Variants in NETO1 observed in about 807,000 individuals in gnomAD.
The protein encoded by NETO1 is neuropilin and tolloid-like protein 1.
Under a neutral mutation model 61.3 loss-of-function variants are expected in NETO1, and 26 were observed. The ratio of observed to expected loss-of-function variants is 0.42; its 90% CI spans 0.31 to 0.59. NETO1 has a LOEUF of 0.59. Ranked by LOEUF, NETO1 falls within the 20% of genes least tolerant of loss-of-function variation. NETO1 has a pLI of 0.12. For synonymous variants in NETO1, 225 were observed against 225.8 expected, an observed-to-expected ratio of 1.00 and a Z score of 0.03; for missense variants, 531 against 662.8, an observed-to-expected ratio of 0.80 and a Z score of 2.18.
chr18:72,786,780 A>G (rs1323351084), intron 6 of NETO1, among the ~76,000 whole-genome samples: 1 of 151,958 alleles, frequency 6.6e-6, no homozygotes, highest in East Asian at 2.0e-4. Flanking sequence ...TTCCAAGTTT[A>G]TACTAACTCG....
intron 4 of NETO1, among the ~76,000 whole-genome samples, chr18:72,848,315 T>G (rs1599147930): frequency 6.6e-6 from 1 of 152,100 alleles, no homozygotes; most frequent in Non-Finnish European, 1.5e-5. Flanking sequence ...ACCCATCCCA[T>G]GTTGCCCAAA....
chr18:72,788,039 C>T (rs1032101), intron 6 of NETO1, among the ~76,000 whole-genome samples: 114,739 of 152,056 alleles, frequency 0.75, 43,368 homozygotes, highest in Admixed American at 0.82. Flanking sequence ...AGAAATATTT[C>T]ACATAAGAAT....
At chr18:72,812,218 G>A (rs1357631524) in intron 4 of NETO1, among the ~76,000 whole-genome samples, 1 of 152,194 alleles carries the variant, frequency 6.6e-6, no homozygotes, top group East Asian at 1.9e-4. Context: ...TGACTCAAAG[G>A]CACTGTTTAG....
chr18:72,849,505 G>GT (rs1353054925), intron 4 of NETO1, among the ~76,000 whole-genome samples: 6 of 152,184 alleles, frequency 3.9e-5, no homozygotes, highest in African/African-American at 1.4e-4. Flanking sequence ...TCTACTAACA[G>GT]TAAGTTTAAG....
At position 72,749,082 on chromosome 18, in the gene NETO1, G is replaced by T. The variant is rs779359740; in HGVS notation, c.1548C>A (p.Cys516Ter). The change falls in exon 10 of 11, where the codon TGC becomes TGA. Residue 516 changes from cysteine (C) to a stop codon, truncating the protein, a stop_gained. Coordinates refer to ENST00000327305, the MANE Select transcript of NETO1 (RefSeq NM_138966.5). LOFTEE classifies it high-confidence loss of function. The part of the protein sequence containing the change: ...SRHDKAVQRF[C>*]LIGSLSKHES... ...CATGTTTGCTTAGAGACCCAATGAG[G>T]CAGAACCTGGAATGTTATGGCTATT... The T allele has an allele frequency of 4.4e-6, 7 of 1,591,484 alleles. No homozygotes were observed. The highest frequency in any genetic ancestry group is 6.0e-6 in the Non-Finnish European group (7 of 1,159,888).
At position 72,761,640 on chromosome 18, in the gene NETO1, A is replaced by G. The variant is rs73968918; in HGVS notation, c.869-5493T>C. ...AAAAGAAATGTTTTTGCAGACATGT[A>G]AATGATCCGATAGAATTGAGGCTTG... On this transcript the variant is annotated intron_variant, in intron 7 of 10. Coordinates refer to ENST00000327305, the MANE Select transcript of NETO1 (RefSeq NM_138966.5). Among the ~76,000 whole-genome samples the G allele has an allele frequency of 6.4e-3, 970 of 152,314 alleles. 13 individuals are homozygous for G. The highest frequency in any genetic ancestry group is 0.021 in the African/African-American group (888 of 41,572).
At chr18:72,800,610 C>G (rs2072473177) in intron 4 of NETO1, among the ~76,000 whole-genome samples, 1 of 152,104 alleles carries the variant, frequency 6.6e-6, no homozygotes, top group Admixed American at 6.6e-5. Context: ...ATAAAGTGCA[C>G]AATAAATGTA....
In NETO1 at chr18:72,859,071, G is replaced by A; in HGVS notation, c.224C>T (p.Ala75Val). The A allele has an allele frequency of 3.8e-6, 6 of 1,594,174 alleles. No homozygotes were observed. Among genetic ancestry groups the A allele is most frequent in the Non-Finnish European group, 5.1e-6 (6 of 1,171,456 alleles). The change falls in exon 4 of 11, where the codon GCT (alanine) becomes GTT (valine). Residue 75 changes from alanine to valine, a missense_variant. Transcript: ENST00000327305. ...GTAAAGTTCAATGCACTGTCTTGGA[G>A]CGGCTGTAAAGAAGAAAGATTGTGT... ...DRECIYIIEA[A>V]PRQCIELYFD...
chr18:72,808,422 T>TGTGTGC (rs1338617685), intron 4 of NETO1, among the ~76,000 whole-genome samples: 1 of 131,776 alleles, frequency 7.6e-6, no homozygotes, highest in Non-Finnish European at 1.5e-5. Flanking sequence ...TGCAGATTTG[T>TGTGTGC]GTGTGTGTGT....
In NETO1 at chr18:72,746,376, G is replaced by T. The variant is rs113925489; in HGVS notation, c.*1803C>A. Among the ~76,000 whole-genome samples the T allele has an allele frequency of 9.9e-5, 15 of 152,046 alleles. No homozygotes were observed. Among genetic ancestry groups the T allele is most frequent in the African/African-American group, 3.4e-4 (14 of 41,516 alleles). On this transcript the variant is annotated 3_prime_UTR_variant, in exon 11 of 11. Coordinates refer to ENST00000327305, the MANE Select transcript of NETO1 (RefSeq NM_138966.5). ...AAACCAGTCAAGCCAAATAAAAAAGGGTACATTTTATCATAAGCAATGTGT... is the reference window on the plus strand; with the variant it reads ...AAACCAGTCAAGCCAAATAAAAAAGTGTACATTTTATCATAAGCAATGTGT...
chr18:72,865,847 C>T, intron 1 of NETO1: 1 of 565,294 alleles, frequency 1.8e-6, no homozygotes. Flanking sequence ...TAACCCCGTC[C>T]CTCAGCACTT....
At chr18:72,862,824 A>G (rs1212787411) in intron 3 of NETO1, among the ~76,000 whole-genome samples, 1 of 151,810 alleles carries the variant, frequency 6.6e-6, no homozygotes, top group East Asian at 1.9e-4. Flanking sequence ...GTTTCAACAT[A>G]TTGGCCAGGA....
chr18:72,790,018 A>G (rs2072060199), intron 6 of NETO1, among the ~76,000 whole-genome samples: 1 of 152,170 alleles, frequency 6.6e-6, no homozygotes, highest in African/African-American at 2.4e-5. Context: ...GTAAGAGACT[A>G]TTTGTCAAGT....
Position 72,747,246 on chromosome 18 carries a change from A to C in NETO1, c.*933T>G, listed in dbSNP as rs1405868344. On this transcript the variant is annotated 3_prime_UTR_variant, in exon 11 of 11. Transcript: ENST00000327305. ...AAATTAGGAAATTATTATACATTTT[A>C]TATATATTTATATAAAAAGTCGTAA... 1.3e-5 allele frequency: 2 copies of C among 151,936 alleles called. No homozygotes were observed. Among genetic ancestry groups the C allele is most frequent in the East Asian group, 3.9e-4 (2 of 5,194 alleles). 9.4% of individuals were successfully genotyped at this position (151,936 alleles called of 1,614,324 possible). A position where few individuals can be genotyped will look rare whatever the true frequency, so the allele number is the denominator to read the frequency against.
chr18:72,832,863 A>G (rs7235160), intron 4 of NETO1, among the ~76,000 whole-genome samples: 63,494 of 152,070 alleles, frequency 0.42, 13,549 homozygotes, highest in East Asian at 0.65. Flanking sequence ...ATTAATCATA[A>G]TCATGTTTTC....
chr18:72,817,791 G>C lies in NETO1; in HGVS notation c.470-23387C>G, dbSNP rs186756251. On this transcript the variant is annotated intron_variant, in intron 4 of 10. Coordinates refer to ENST00000327305, the MANE Select transcript of NETO1 (RefSeq NM_138966.5). ...CTTCTGTCTTGTTCTTTCTCTGTCT[G>C]TTTCTGTCTGTCTCTCAGACCTGTC... is the stretch of plus-strand genomic sequence containing the variant. 3.4e-3 allele frequency among the ~76,000 whole-genome samples: 525 copies of C among 152,302 alleles called. 7 individuals are homozygous for C. Among genetic ancestry groups the C allele is most frequent in the African/African-American group, 0.012 (510 of 41,566 alleles).
intron 7 of NETO1, among the ~76,000 whole-genome samples, chr18:72,780,651 A>C (rs1249720505): frequency 6.6e-6 from 1 of 152,156 alleles, no homozygotes; most frequent in Admixed American, 6.5e-5. Flanking sequence ...GCATTCTTTC[A>C]AATTTTGAAT....
intron 1 of NETO1, 101 bp downstream of exon 1, chr18:72,867,163 C>A (rs1364613822): frequency 3.4e-6 from 3 of 888,642 alleles, no homozygotes; most frequent in African/African-American, 3.5e-5. Context: ...GCAGGGTCCG[C>A]CGGAGCGCGG....
intron 4 of NETO1, among the ~76,000 whole-genome samples, chr18:72,802,732 G>A (rs2072549862): frequency 6.6e-6 from 1 of 152,190 alleles, no homozygotes; most frequent in Admixed American, 6.5e-5. Flanking sequence ...AATGAATCAG[G>A]ACTGTGGCAC....
Sources: allele counts gnomAD v4.1 joint callset (sites outside exome capture counted in the v4.1 genomes callset), GRCh38; gene constraint gnomAD v4.1.1; transcripts MANE v1.5; gene names NCBI Gene and HGNC (gene_info 2026-07-23, HGNC 2026-07-21).